FUT9: variants seen among roughly 807,000 people sequenced by gnomAD.
FUT9 encodes the protein fucosyltransferase 9.
A neutral mutation model predicts 29.7 loss-of-function variants in FUT9; 15 were observed. The ratio of observed to expected loss-of-function variants is 0.51; its 90% CI spans 0.34 to 0.78. The LOEUF is 0.78. Ranked by LOEUF, FUT9 falls within the 30% of genes least tolerant of loss-of-function variation. FUT9 has a pLI of 0.01. For missense variants in FUT9, 319 were observed against 425.4 expected (o/e 0.75, Z 2.20); for synonymous variants, 169 against 153.7 (o/e 1.10, Z -0.74).
At chr6:96,094,472 A>T (rs72927977) in intron 1 of FUT9, among the ~76,000 whole-genome samples, 6,972 of 152,260 alleles carry the variant, frequency 0.046, 219 homozygotes, top group South Asian at 0.13. Flanking sequence ...AAGGAAATTT[A>T]AAAAATCGTA....
At chr6:96,141,136 A>G (rs1319118331) in intron 2 of FUT9, among the ~76,000 whole-genome samples, 1 of 152,220 alleles carries the variant, frequency 6.6e-6, no homozygotes, top group Non-Finnish European at 1.5e-5. Context: ...GTGACAAGTT[A>G]TCTATAACAC....
At chr6:96,194,009 C>A (rs2127989430) in intron 2 of FUT9, among the ~76,000 whole-genome samples, 1 of 152,210 alleles carries the variant, frequency 6.6e-6, no homozygotes, top group Non-Finnish European at 1.5e-5. Context: ...ACAATGAGAA[C>A]ACTTGGATAC....
chr6:96,157,826 A>T (rs936288349), intron 2 of FUT9, among the ~76,000 whole-genome samples: 1 of 152,204 alleles, frequency 6.6e-6, no homozygotes, highest in African/African-American at 2.4e-5. Flanking sequence ...TTGATTCAAA[A>T]ATCACTTGTC....
chr6:96,026,541 A>G (rs948843992), intron 1 of FUT9, among the ~76,000 whole-genome samples: 1 of 151,698 alleles, frequency 6.6e-6, no homozygotes, highest in East Asian at 1.9e-4. Flanking sequence ...AATGTATTGT[A>G]AATCAAAATC....
intron 2 of FUT9, among the ~76,000 whole-genome samples, chr6:96,200,542 G>T (rs9322746): frequency 0.91 from 138,873 of 152,162 alleles, 64,722 homozygotes; most frequent in Non-Finnish European, 1. Context: ...CACAAGGCCT[G>T]GCTAAGGGTG....
intron 2 of FUT9, among the ~76,000 whole-genome samples, chr6:96,118,140 G>A (rs983486170): frequency 6.6e-6 from 1 of 151,470 alleles, no homozygotes; most frequent in African/African-American, 2.4e-5. Flanking sequence ...GGGAGTTGGA[G>A]GTTGCAGTGA....
At chr6:96,063,386 C>G (rs1770908889) in intron 1 of FUT9, among the ~76,000 whole-genome samples, 1 of 152,078 alleles carries the variant, frequency 6.6e-6, no homozygotes, top group East Asian at 1.9e-4. Flanking sequence ...GGAACAAGCG[C>G]ATCACATGGC....
chr6:96,018,681 G>T (rs989176366), intron 1 of FUT9, among the ~76,000 whole-genome samples: 1 of 152,022 alleles, frequency 6.6e-6, no homozygotes, highest in Non-Finnish European at 1.5e-5. Flanking sequence ...ACATTATAAA[G>T]AGATATTTAA....
In FUT9 at chr6:96,204,359, T is replaced by TGATAAA; in HGVS notation, c.*124_*125insGATAAA. 1 of 618,316 alleles carries TGATAAA rather than the reference T, an allele frequency of 1.6e-6. No individual in the cohort carries two copies. The highest frequency in any genetic ancestry group is 2.6e-6 in the Non-Finnish European group (1 of 390,536). The allele number at this position is 618,316 out of a possible 1,614,324, so 38.3% of individuals were successfully genotyped here. A position where few individuals can be genotyped will look rare whatever the true frequency, so the allele number is the denominator to read the frequency against. ...TTTATTTTTATCACCCTCTCTAGGGTAACGTGTATATTTTGGTGGAGATTT... is the reference window on the plus strand; with the variant it reads ...TTTATTTTTATCACCCTCTCTAGGGTGATAAAAACGTGTATATTTTGGTGGAGATTT... On this transcript the variant is annotated 3_prime_UTR_variant, in exon 3 of 3. Transcript: ENST00000302103.
At chr6:96,202,063 T>A (rs1334399367) in intron 2 of FUT9, among the ~76,000 whole-genome samples, 1 of 152,026 alleles carries the variant, frequency 6.6e-6, no homozygotes, top group Non-Finnish European at 1.5e-5. Context: ...CTGAAATTTA[T>A]AGGCCATATT....
intron 1 of FUT9, among the ~76,000 whole-genome samples, chr6:96,079,466 C>T (rs1771199332): frequency 6.6e-6 from 1 of 152,106 alleles, no homozygotes; most frequent in Admixed American, 6.6e-5. Context: ...TCTCTGTTTC[C>T]CATTCCCCTT....
chr6:96,175,512 G>T (rs146723968), intron 2 of FUT9, among the ~76,000 whole-genome samples: 3 of 152,072 alleles, frequency 2.0e-5, no homozygotes, highest in African/African-American at 7.2e-5. Context: ...ATACCTATTC[G>T]GTGGCTAGCT....
chr6:96,060,835 G>A (rs1381376212), intron 1 of FUT9, among the ~76,000 whole-genome samples: 1 of 152,168 alleles, frequency 6.6e-6, no homozygotes, highest in Non-Finnish European at 1.5e-5. Flanking sequence ...ATGGCACCTG[G>A]CCAGCATACT....
intron 2 of FUT9, among the ~76,000 whole-genome samples, chr6:96,196,089 G>T (rs1773619419): frequency 6.6e-6 from 1 of 152,088 alleles, no homozygotes; most frequent in Non-Finnish European, 1.5e-5. Context: ...TTGGATCCTG[G>T]AATATTAGGG....
chr6:96,179,126 C>T (rs1456031096), intron 2 of FUT9, among the ~76,000 whole-genome samples: 5 of 151,948 alleles, frequency 3.3e-5, no homozygotes, highest in Admixed American at 6.6e-5. Context: ...ATAGTCATCC[C>T]GTATTGTATA....
chr6:96,059,722 G>C (rs1364399835), intron 1 of FUT9, among the ~76,000 whole-genome samples: 1 of 152,172 alleles, frequency 6.6e-6, no homozygotes, highest in Non-Finnish European at 1.5e-5. Context: ...TTTGTGGAAT[G>C]ATTTCTCAGC....
rs36099595 is a variant in FUT9 at position 96,163,280 on chromosome 6, C to CTTTTT, written c.-8-39857_-8-39853dup. Among the ~76,000 whole-genome samples, 55 of 143,058 alleles carry CTTTTT rather than the reference C, an allele frequency of 3.8e-4. 4 individuals carry two copies. The highest frequency in any genetic ancestry group is 6.6e-4 in the Non-Finnish European group (44 of 66,180). The allele number at this position is 143,058 out of a possible 152,430, so 93.9% of individuals were successfully genotyped here. On this transcript the variant is annotated intron_variant, in intron 2 of 2. Transcript: ENST00000302103. ...AGACAGCAGTAACTACTTCCAAGCT[C>CTTTTT]TTTTTTTTTTTTTTTGAAAACGAGA...
intron 1 of FUT9, among the ~76,000 whole-genome samples, chr6:96,073,646 G>T (rs1414565850): frequency 6.6e-6 from 1 of 152,124 alleles, no homozygotes; most frequent in African/African-American, 2.4e-5. Flanking sequence ...TAAAATCTTT[G>T]CACAGCATGA....
intron 1 of FUT9, among the ~76,000 whole-genome samples, chr6:96,040,796 A>C (rs981870313): frequency 6.6e-6 from 1 of 152,196 alleles, no homozygotes; most frequent in African/African-American, 2.4e-5. Context: ...GATTTGGCTT[A>C]GTGGTAACAT....
Sources: gnomAD v4.1 joint callset for allele counts (sites outside exome capture counted in the v4.1 genomes callset) on GRCh38, gnomAD v4.1.1 for gene constraint, MANE v1.5 for transcripts, NCBI Gene and HGNC (gene_info 2026-07-23, HGNC 2026-07-21) for gene names.